The following DACH1 variants were observed in gnomAD, a reference collection of about 807,000 sequenced individuals.
DACH1 encodes the protein dachshund family transcription factor 1, also known as dachshund homolog 1.
A neutral mutation model predicts 54.2 loss-of-function variants in DACH1; 12 were observed. The ratio of observed to expected loss-of-function variants is 0.22; its 90% CI spans 0.14 to 0.36. The LOEUF (loss-of-function observed/expected upper bound fraction) is 0.36, where lower values mean the gene tolerates loss of function less well. Ranked by LOEUF, DACH1 falls within the 10% of genes least tolerant of loss-of-function variation. The pLI is 1.00. For synonymous variants in DACH1, 386 were observed against 366.2 expected (o/e 1.05, Z -0.62); for missense variants, 805 against 929.8 (o/e 0.87, Z 1.75).
intron 10 of DACH1, among the ~76,000 whole-genome samples, chr13:71,465,760 C>T (rs915400674): frequency 2.6e-5 from 4 of 151,948 alleles, no homozygotes; most frequent in East Asian, 1.9e-4. Flanking sequence ...TAAAAATTAA[C>T]GTATTGACTA....
chr13:71,848,774 C>G (rs1199345897), intron 1 of DACH1, among the ~76,000 whole-genome samples: 1 of 152,152 alleles, frequency 6.6e-6, no homozygotes, highest in African/African-American at 2.4e-5. Flanking sequence ...ATCCTCCCAC[C>G]TTGGCCTCCC....
At chr13:71,725,348 A>G (rs1320161925) in intron 1 of DACH1, among the ~76,000 whole-genome samples, 1 of 152,146 alleles carries the variant, frequency 6.6e-6, no homozygotes, top group East Asian at 1.9e-4. Flanking sequence ...TAACCAAAAT[A>G]TCGAATTCTA....
At chr13:71,737,210 A>C (rs545541579) in intron 1 of DACH1, among the ~76,000 whole-genome samples, 32 of 152,214 alleles carry the variant, frequency 2.1e-4, no homozygotes, top group African/African-American at 7.2e-4. Context: ...GCGACAGAAC[A>C]AGACTCCGTC....
chr13:71,807,656 T>G (rs965463516), intron 1 of DACH1, among the ~76,000 whole-genome samples: 1 of 152,206 alleles, frequency 6.6e-6, no homozygotes, highest in Admixed American at 6.5e-5. Context: ...TCTAATAATG[T>G]ATCTTTGGTC....
intron 1 of DACH1, among the ~76,000 whole-genome samples, chr13:71,815,428 C>T (rs1887877032): frequency 6.6e-6 from 1 of 151,976 alleles, no homozygotes; most frequent in Non-Finnish European, 1.5e-5. Context: ...TGGTGAAGCA[C>T]TTTTTCTTAC....
At chr13:71,832,399 G>T (rs1888626711) in intron 1 of DACH1, among the ~76,000 whole-genome samples, 1 of 151,838 alleles carries the variant, frequency 6.6e-6, no homozygotes, top group Non-Finnish European at 1.5e-5. Context: ...TAGCTAAAAT[G>T]CATGGGGCCT....
At chr13:71,857,317 G>A (rs1449669054) in intron 1 of DACH1, among the ~76,000 whole-genome samples, 3 of 151,208 alleles carry the variant, frequency 2.0e-5, no homozygotes, top group Admixed American at 6.6e-5. Flanking sequence ...TTTTTCTGTT[G>A]TATTTCAGTA....
chr13:71,523,718 A>T (rs1434661850), intron 6 of DACH1, among the ~76,000 whole-genome samples: 2 of 152,078 alleles, frequency 1.3e-5, no homozygotes, highest in Non-Finnish European at 2.9e-5. Context: ...AAAGTTCCCC[A>T]ATGTGTGATC....
At chr13:71,814,879 G>A (rs2138161164) in intron 1 of DACH1, among the ~76,000 whole-genome samples, 1 of 152,284 alleles carries the variant, frequency 6.6e-6, no homozygotes, top group African/African-American at 2.4e-5. Flanking sequence ...GAAGGAGTTT[G>A]AAATTCTGTA....
intron 3 of DACH1, among the ~76,000 whole-genome samples, chr13:71,589,689 G>A (rs1415751988): frequency 6.6e-6 from 1 of 151,794 alleles, no homozygotes; most frequent in Non-Finnish European, 1.5e-5. Flanking sequence ...GACCTGATAT[G>A]AGTATAATAC....
intron 1 of DACH1, among the ~76,000 whole-genome samples, chr13:71,811,107 A>G (rs558808836): frequency 5.8e-4 from 88 of 152,208 alleles, no homozygotes; most frequent in African/African-American, 1.9e-3. Context: ...CCTAACTAAG[A>G]TATCTGATTA....
intron 1 of DACH1, among the ~76,000 whole-genome samples, chr13:71,765,919 C>T (rs1348749834): frequency 7.0e-6 from 1 of 142,990 alleles, no homozygotes; most frequent in Non-Finnish European, 1.5e-5. Context: ...CTGAGTCTCG[C>T]TCTGTCGCCC....
chr13:71,562,574 A>G (rs1884658260), intron 4 of DACH1, among the ~76,000 whole-genome samples: 1 of 152,140 alleles, frequency 6.6e-6, no homozygotes, highest in South Asian at 2.1e-4. Flanking sequence ...ATATTTTGAA[A>G]TCTTTATCAC....
At chr13:71,821,927 G>A (rs1037617858) in intron 1 of DACH1, among the ~76,000 whole-genome samples, 1 of 151,972 alleles carries the variant, frequency 6.6e-6, no homozygotes, top group African/African-American at 2.4e-5. Context: ...TGGGCGTGGC[G>A]GTGTGTGCCT....
intron 6 of DACH1, among the ~76,000 whole-genome samples, chr13:71,548,737 T>C (rs889373518): frequency 1.3e-5 from 2 of 151,912 alleles, no homozygotes; most frequent in African/African-American, 2.4e-5. Context: ...GCCTACATGG[T>C]AAAACCTCAT....
chr13:71,557,941 G>A (rs1336765026), intron 5 of DACH1, among the ~76,000 whole-genome samples: 3 of 150,398 alleles, frequency 2.0e-5, no homozygotes, highest in African/African-American at 4.9e-5. Context: ...ATTGTAGTGT[G>A]TGATCATAGA....
chr13:71,564,393 A>T (rs1884777499), intron 4 of DACH1, among the ~76,000 whole-genome samples: 1 of 151,998 alleles, frequency 6.6e-6, no homozygotes. Context: ...AATCAATAAA[A>T]CACAATCTTT....
At chr13:71,445,249 T>A (rs1874348239) in intron 10 of DACH1, among the ~76,000 whole-genome samples, 1 of 152,194 alleles carries the variant, frequency 6.6e-6, no homozygotes, top group South Asian at 2.1e-4. Context: ...GTTAGAAATG[T>A]TAAAGTTTAT....
intron 1 of DACH1, among the ~76,000 whole-genome samples, chr13:71,691,207 C>T (rs1160192336): frequency 6.6e-6 from 1 of 152,144 alleles, no homozygotes; most frequent in Non-Finnish European, 1.5e-5. Flanking sequence ...CCCATTGCTC[C>T]TATCTCAAAA....
Sources: gnomAD v4.1 joint callset for allele counts (sites outside exome capture counted in the v4.1 genomes callset) on GRCh38, gnomAD v4.1.1 for gene constraint, MANE v1.5 for transcripts, NCBI Gene and HGNC (gene_info 2026-07-23, HGNC 2026-07-21) for gene names.